Variants in AP3M1 observed in about 807,000 individuals in gnomAD.
The protein encoded by AP3M1 is adaptor related protein complex 3 subunit mu 1.
In AP3M1, 29 loss-of-function variants were observed where a neutral mutation model predicts 42.6. That is an observed-to-expected ratio of 0.68 (90% CI 0.51 to 0.93). AP3M1 has a LOEUF of 0.93. AP3M1 is among the 40% of genes least tolerant of loss of function. The pLI, the probability that AP3M1 is intolerant of heterozygous loss-of-function variation, is 0.00. For missense variants in AP3M1, 416 were observed against 510.2 expected (o/e 0.82, Z 1.78); for synonymous variants, 178 against 175.3 (o/e 1.02, Z -0.12).
intron 1 of AP3M1, 157 bp downstream of exon 1, chr10:74,150,598 C>G (rs1045278922): frequency 6.5e-6 from 1 of 153,058 alleles, no homozygotes; most frequent in African/African-American, 2.4e-5. Context: ...GGCGAGAAAG[C>G]CCGGAAGGCC....
chr10:74,144,231 G>C (rs927491994), intron 1 of AP3M1, among the ~76,000 whole-genome samples: 8 of 152,158 alleles, frequency 5.3e-5, no homozygotes, highest in African/African-American at 1.9e-4. Context: ...AAAGTGCTGG[G>C]ATTACAGGCG....
chr10:74,120,370 AC>A lies in AP3M1; in HGVS notation c.*3439del, dbSNP rs1424217282. The A allele has an allele frequency of 6.6e-6, 1 of 152,254 alleles. No homozygotes were observed. Among genetic ancestry groups the A allele is most frequent in the Non-Finnish European group, 1.5e-5 (1 of 68,042 alleles). The allele number at this position is 152,254 out of a possible 1,614,324, so 9.4% of individuals were successfully genotyped here. A position where few individuals can be genotyped will look rare whatever the true frequency, so the allele number is the denominator to read the frequency against. Reference sequence around the variant, plus strand: ...TACAAGACAACCCTGGGGATTACACACTTGAAGGAATGGAAGTGGCAAAGGT... The same window carrying A: ...TACAAGACAACCCTGGGGATTACACATTGAAGGAATGGAAGTGGCAAAGGT... On this transcript the variant is annotated 3_prime_UTR_variant, in exon 9 of 9. Transcript: ENST00000355264.
chr10:74,134,755 A>T (rs1481758342), intron 3 of AP3M1, among the ~76,000 whole-genome samples: 1 of 152,202 alleles, frequency 6.6e-6, no homozygotes. Flanking sequence ...TTGAGCTGTG[A>T]CTTACTTAAT....
chr10:74,146,687 G>A (rs1165669926), intron 1 of AP3M1, among the ~76,000 whole-genome samples: 2 of 152,066 alleles, frequency 1.3e-5, no homozygotes, highest in Admixed American at 6.5e-5. Context: ...CTTTAGAGAA[G>A]CCAGATTGGA....
intron 1 of AP3M1, 67 bp from the exon 2 acceptor site, chr10:74,138,449 T>C (rs919276297): frequency 7.0e-7 from 1 of 1,424,988 alleles, no homozygotes; most frequent in Middle Eastern, 2.1e-4. Context: ...ACAAAAAGAT[T>C]ATACACCTTG....
At position 74,136,708 on chromosome 10, in the gene AP3M1, C is replaced by T. The variant is rs143006409; in HGVS notation, c.369G>A (p.Leu123=). ...CTTTCAAAATGTTAGATTCGGTAGC[C>T]AGTGGAAATCCATTGTCTAACATTT... ...LEEMLDNGFP[L]ATESNILKEL... is the part of the protein sequence containing the mutation. Residue 123 remains leucine, a synonymous_variant, in exon 3 of 9, where the codon CTG becomes CTA. Coordinates refer to ENST00000355264, the MANE Select transcript of AP3M1 (RefSeq NM_012095.6). 1,010 of 1,594,314 alleles carry T rather than the reference C, an allele frequency of 6.3e-4. 4 individuals carry two copies. In the African/African-American group the frequency reaches 8.0e-3, roughly 13 times the overall value.
chr10:74,132,596 A>ATAGGC (rs1262313846), intron 4 of AP3M1, among the ~76,000 whole-genome samples: 2 of 151,916 alleles, frequency 1.3e-5, no homozygotes, highest in Admixed American at 1.3e-4. Context: ...GGCTGGGACT[A>ATAGGC]TAGGCTACTC....
At chr10:74,131,629 C>G (rs1263972006) in intron 4 of AP3M1, among the ~76,000 whole-genome samples, 1 of 152,010 alleles carries the variant, frequency 6.6e-6, no homozygotes, top group Non-Finnish European at 1.5e-5. Context: ...TTCACCACAG[C>G]ATTGAACTCC....
intron 1 of AP3M1, among the ~76,000 whole-genome samples, chr10:74,144,640 C>G (rs893261739): frequency 1.3e-5 from 2 of 150,894 alleles, no homozygotes; most frequent in Admixed American, 6.6e-5. Context: ...TTGAACAGTG[C>G]ATGAATGTGC....
At chr10:74,124,994 T>C (rs7098125) in intron 7 of AP3M1, among the ~76,000 whole-genome samples, 25,687 of 152,148 alleles carry the variant, frequency 0.17, 2,511 homozygotes, top group African/African-American at 0.27. Flanking sequence ...TTTCTTTTTT[T>C]TTTGAGACAG....
chr10:74,130,615 A>T (rs1463689882), intron 4 of AP3M1, among the ~76,000 whole-genome samples: 1 of 150,850 alleles, frequency 6.6e-6, no homozygotes, highest in Non-Finnish European at 1.5e-5. Flanking sequence ...TAATTTTTGT[A>T]TTTTTTTTGT....
At chr10:74,144,987 T>C (rs930832724) in intron 1 of AP3M1, among the ~76,000 whole-genome samples, 3 of 151,944 alleles carry the variant, frequency 2.0e-5, no homozygotes, top group Non-Finnish European at 4.4e-5. Context: ...GAGGAGGAGG[T>C]AAAAGACATT....
intron 1 of AP3M1, among the ~76,000 whole-genome samples, chr10:74,141,714 C>CT (rs920907444): frequency 0.12 from 16,282 of 133,360 alleles, 1,077 homozygotes; most frequent in Middle Eastern, 0.2. Context: ...TTTTATTTTC[C>CT]TTTTTTTTTT....
chr10:74,134,469 T>A (rs926378387), intron 3 of AP3M1, among the ~76,000 whole-genome samples: 1 of 152,228 alleles, frequency 6.6e-6, no homozygotes, highest in Non-Finnish European at 1.5e-5. Flanking sequence ...TCTCTGCCAC[T>A]GATGAAAAAA....
intron 5 of AP3M1, 61 bp downstream of exon 5, chr10:74,129,846 A>C: frequency 9.4e-7 from 1 of 1,064,192 alleles, no homozygotes; most frequent in East Asian, 2.4e-5. Flanking sequence ...TTATCATTTC[A>C]TTTAGTACTT....
intron 1 of AP3M1, among the ~76,000 whole-genome samples, chr10:74,145,395 T>A (rs892924252): frequency 1.3e-5 from 2 of 152,248 alleles, no homozygotes; most frequent in Non-Finnish European, 2.9e-5. Flanking sequence ...ATAACACTTG[T>A]AAGTTCTCGA....
chr10:74,139,653 C>T (rs1389965813), intron 1 of AP3M1, among the ~76,000 whole-genome samples: 2 of 151,196 alleles, frequency 1.3e-5, no homozygotes, highest in Non-Finnish European at 2.9e-5. Context: ...CGCGGTGGCT[C>T]ACGCCTGTAA....
intron 1 of AP3M1, among the ~76,000 whole-genome samples, chr10:74,149,172 C>T (rs1443834451): frequency 6.7e-6 from 1 of 148,286 alleles, no homozygotes; most frequent in Admixed American, 6.8e-5. Context: ...CGTGCCTGGC[C>T]GTATATTATA....
intron 1 of AP3M1, chr10:74,150,232 G>T (rs1304229919): frequency 1.3e-5 from 2 of 152,112 alleles, no homozygotes; most frequent in Non-Finnish European, 2.9e-5. Flanking sequence ...CACACATAAG[G>T]CTGTAAGTTT....
Sources: allele counts gnomAD v4.1 joint callset (sites outside exome capture counted in the v4.1 genomes callset), GRCh38; gene constraint gnomAD v4.1.1; transcripts MANE v1.5; gene names NCBI Gene and HGNC (gene_info 2026-07-23, HGNC 2026-07-21).